VSTM2A: variants seen among roughly 807,000 people sequenced by gnomAD.
The protein encoded by VSTM2A is V-set and transmembrane domain containing 2A, also known as V-set and transmembrane domain-containing protein 2A.
In VSTM2A, 13 loss-of-function variants were observed where a neutral mutation model predicts 27.3. The observed-to-expected ratio is 0.48, with a 90% confidence interval of 0.31 to 0.76. The LOEUF (loss-of-function observed/expected upper bound fraction) is 0.76, where lower values mean the gene tolerates loss of function less well. VSTM2A is among the 30% of genes least tolerant of loss of function. The pLI, the probability that VSTM2A is intolerant of heterozygous loss-of-function variation, is 0.05. For missense variants in VSTM2A, 280 were observed against 310.0 expected (o/e 0.90, Z 0.73); for synonymous variants, 142 against 125.7 (o/e 1.13, Z -0.87).
intron 1 of VSTM2A, among the ~76,000 whole-genome samples, chr7:54,543,854 T>A (rs916418020): frequency 6.6e-6 from 1 of 152,206 alleles, no homozygotes; most frequent in East Asian, 1.9e-4. Context: ...AAACATTATA[T>A]TTTTGTGAGT....
chr7:54,546,783 G>A lies in VSTM2A; in HGVS notation c.247-164G>A, dbSNP rs1172051431. ...GGGGTATGCCAGGGACAGCGTGGGG[G>A]CGGTGCGGTCTGGGCCTGGACAGGG... On this transcript the variant is annotated intron_variant, in intron 2 of 4. Transcript: ENST00000402613. The A allele has an allele frequency of 2.4e-5, 17 of 694,750 alleles. No individual in the cohort carries two copies. The African/African-American group carries it at 3.2e-4, about 13-fold the overall frequency. 43.0% of individuals were successfully genotyped at this position (694,750 alleles called of 1,614,324 possible). A position where few individuals can be genotyped will look rare whatever the true frequency, so the allele number is the denominator to read the frequency against.
At chr7:54,544,831 G>T (rs553830981) in intron 2 of VSTM2A, 43 bp downstream of exon 2, 1 of 1,541,968 alleles carries the variant, frequency 6.5e-7, no homozygotes. Context: ...TCGCTCGCCC[G>T]GTCCTCAGGG....
chr7:54,564,312 T>G (rs909460924), intron 4 of VSTM2A, among the ~76,000 whole-genome samples: 1 of 152,216 alleles, frequency 6.6e-6, no homozygotes, highest in Admixed American at 6.5e-5. Flanking sequence ...TAGAAAATGT[T>G]TTCTTTCTTT....
rs75443587 is a variant in VSTM2A at position 54,549,179 on chromosome 7, A to G, written c.298-655A>G. ...CGATGGCATCCCAAGTCCCTGTAGTATAAAGTCCCTATAATGGCATGGGAT... is the reference window on the plus strand; with the variant it reads ...CGATGGCATCCCAAGTCCCTGTAGTGTAAAGTCCCTATAATGGCATGGGAT... On this transcript the variant is annotated intron_variant, in intron 3 of 4. Transcript: ENST00000402613. Among the ~76,000 whole-genome samples the G allele has an allele frequency of 8.5e-5, 13 of 152,266 alleles. No homozygotes were observed. The East Asian group carries it at 2.3e-3, about 27-fold the overall frequency.
At chr7:54,553,840 C>G (rs765484606) in intron 4 of VSTM2A, 20 of 1,550,946 alleles carry the variant, frequency 1.3e-5, no homozygotes, top group Non-Finnish European at 1.7e-5. Context: ...AAGTCATTCT[C>G]TACTTGTTTC....
chr7:54,550,208 C>T, intron 4 of VSTM2A, 38 bp downstream of exon 4: 1 of 1,559,280 alleles, frequency 6.4e-7, no homozygotes, highest in Non-Finnish European at 8.7e-7. Context: ...TTTTACCACT[C>T]ACAAACGCTC....
chr7:54,563,833 A>C (rs1311573871), intron 4 of VSTM2A, among the ~76,000 whole-genome samples: 1 of 152,266 alleles, frequency 6.6e-6, no homozygotes, highest in Non-Finnish European at 1.5e-5. Flanking sequence ...GTATTAGGTC[A>C]AAGTGAAGCA....
At chr7:54,558,753 C>G (rs1020978445) in intron 4 of VSTM2A, 5 of 151,640 alleles carry the variant, frequency 3.3e-5, no homozygotes, top group African/African-American at 1.2e-4. Context: ...TTAATAATGC[C>G]AAAAGGAGAC....
chr7:54,561,077 G>T (rs897094683), intron 4 of VSTM2A, among the ~76,000 whole-genome samples: 1 of 151,942 alleles, frequency 6.6e-6, no homozygotes, highest in Non-Finnish European at 1.5e-5. Flanking sequence ...TAGTTAATTT[G>T]AAAAATCCTA....
intron 2 of VSTM2A, 44 bp downstream of exon 2, chr7:54,544,832 G>C (rs745772028): frequency 1.3e-6 from 2 of 1,542,442 alleles, no homozygotes. Context: ...CGCTCGCCCG[G>C]TCCTCAGGGT....
At chr7:54,567,303 G>A (rs1388576903) in intron 4 of VSTM2A, among the ~76,000 whole-genome samples, 1 of 152,184 alleles carries the variant, frequency 6.6e-6, no homozygotes, top group Non-Finnish European at 1.5e-5. Context: ...TGCTTCAATA[G>A]TATATTACAT....
At chr7:54,560,446 T>C (rs528194126) in intron 4 of VSTM2A, among the ~76,000 whole-genome samples, 52 of 152,068 alleles carry the variant, frequency 3.4e-4, no homozygotes, top group Non-Finnish European at 6.0e-4. Flanking sequence ...AAATAAAATA[T>C]CATGCAATCA....
chr7:54,558,491 A>G (rs1003839435), intron 4 of VSTM2A: 26 of 152,280 alleles, frequency 1.7e-4, no homozygotes, highest in African/African-American at 3.6e-4. Flanking sequence ...ATTAAATGAG[A>G]TAATGGATTT....
chr7:54,563,670 C>T (rs1197712841), intron 4 of VSTM2A, among the ~76,000 whole-genome samples: 1 of 152,070 alleles, frequency 6.6e-6, no homozygotes, highest in Non-Finnish European at 1.5e-5. Context: ...GTCCTGTAGA[C>T]CTGCGTTCGT....
Position 54,544,499 on chromosome 7 carries a change from G to C in VSTM2A, c.80-123G>C, listed in dbSNP as rs562451245. On this transcript the variant is annotated intron_variant, in intron 1 of 4. Transcript: ENST00000402613. ...GGGGCTGGGGGAACCAGACGAAGCC[G>C]AGGATGTAAGAGAGGGGTTTTGTTG... The C allele has an allele frequency of 2.0e-5, 24 of 1,228,700 alleles. No individual in the cohort carries two copies. The African/African-American group carries it at 3.6e-4, about 18-fold the overall frequency. 76.1% of individuals were successfully genotyped at this position (1,228,700 alleles called of 1,614,324 possible).
Position 54,542,610 on chromosome 7 carries a change from C to A in VSTM2A, c.-121C>A. Reference sequence around the variant, plus strand: ...CAGCCAGCCCTCGCCAAGCAAGCAGCAGGATGTTTGCAGTGTCGCGCCCAG... The same window carrying A: ...CAGCCAGCCCTCGCCAAGCAAGCAGAAGGATGTTTGCAGTGTCGCGCCCAG... On this transcript the variant is annotated 5_prime_UTR_variant, in exon 1 of 5. Transcript: ENST00000402613. 1 of 813,764 alleles carries A rather than the reference C, an allele frequency of 1.2e-6. No homozygotes were observed. The highest frequency in any genetic ancestry group is 2.0e-6 in the Non-Finnish European group (1 of 489,886). 50.4% of individuals were successfully genotyped at this position (813,764 alleles called of 1,614,324 possible).
chr7:54,570,179 T>C lies in VSTM2A; in HGVS notation c.*960T>C, dbSNP rs1177786522. On this transcript the variant is annotated 3_prime_UTR_variant, in exon 5 of 5. Coordinates refer to ENST00000402613, the MANE Select transcript of VSTM2A (RefSeq NM_001301009.2). Reference sequence around the variant, plus strand: ...TAAGTTGGAATTTACTATGTTCCTTTATACATGGTGTTTATTGAGGTTTGA... The same window carrying C: ...TAAGTTGGAATTTACTATGTTCCTTCATACATGGTGTTTATTGAGGTTTGA... The C allele has an allele frequency of 6.6e-6, 1 of 152,208 alleles. No homozygotes were observed. The highest frequency in any genetic ancestry group is 2.4e-5 in the African/African-American group (1 of 41,466). 9.4% of individuals were successfully genotyped at this position (152,208 alleles called of 1,614,324 possible).
intron 2 of VSTM2A, among the ~76,000 whole-genome samples, chr7:54,545,940 G>A (rs1288907467): frequency 1.9e-5 from 1 of 53,576 alleles, no homozygotes; most frequent in Non-Finnish European, 3.4e-5. Flanking sequence ...GGGGAAGGGG[G>A]TGGGAGAGCA....
At chr7:54,562,096 A>G (rs1044355184) in intron 4 of VSTM2A, among the ~76,000 whole-genome samples, 1 of 151,850 alleles carries the variant, frequency 6.6e-6, no homozygotes, top group South Asian at 2.1e-4. Flanking sequence ...GCTAATTTTT[A>G]TGTTTTTAGT....
Sources: gnomAD v4.1 joint callset for allele counts (sites outside exome capture counted in the v4.1 genomes callset) on GRCh38, gnomAD v4.1.1 for gene constraint, MANE v1.5 for transcripts, NCBI Gene and HGNC (gene_info 2026-07-23, HGNC 2026-07-21) for gene names.